GRID2: variants seen among roughly 807,000 people sequenced by gnomAD.
GRID2 encodes the protein glutamate receptor ionotropic, delta-2.
Under a neutral mutation model 114.8 loss-of-function variants are expected in GRID2, and 33 were observed. The observed-to-expected ratio is 0.29, with a 90% confidence interval of 0.22 to 0.38. The LOEUF is 0.38. GRID2 is among the 10% of genes least tolerant of loss of function. The probability of loss-of-function intolerance (pLI) is 1.00; values close to 1 mark genes in which losing one functional copy is unlikely to be tolerated. For synonymous variants in GRID2, 505 were observed against 449.9 expected (o/e 1.12, Z -1.55); for missense variants, 1,184 against 1,257.7 (o/e 0.94, Z 0.89).
chr4:92,863,043 C>G (rs1457774637), intron 2 of GRID2, among the ~76,000 whole-genome samples: 1 of 152,086 alleles, frequency 6.6e-6, no homozygotes, highest in Non-Finnish European at 1.5e-5. Context: ...TGCTAAATAA[C>G]TTTCTAAGTC....
At chr4:92,708,399 G>T (rs371150721) in intron 2 of GRID2, among the ~76,000 whole-genome samples, 29 of 152,240 alleles carry the variant, frequency 1.9e-4, no homozygotes, top group African/African-American at 7.0e-4. Context: ...GTTATTTCCT[G>T]GGGGATGGTA....
At chr4:92,730,044 C>T (rs1002909358) in intron 2 of GRID2, among the ~76,000 whole-genome samples, 1 of 151,982 alleles carries the variant, frequency 6.6e-6, no homozygotes, top group Non-Finnish European at 1.5e-5. Context: ...AAAGATATTT[C>T]TTAGCTCTTG....
intron 14 of GRID2, among the ~76,000 whole-genome samples, chr4:93,685,948 A>G (rs188630156): frequency 1.3e-5 from 2 of 152,170 alleles, no homozygotes; most frequent in African/African-American, 4.8e-5. Context: ...TGTGAGATAC[A>G]GTGTCTGACA....
chr4:93,250,799 A>G (rs958493169), intron 8 of GRID2, among the ~76,000 whole-genome samples: 2 of 149,834 alleles, frequency 1.3e-5, no homozygotes, highest in Non-Finnish European at 3.0e-5. Context: ...ATATATATAC[A>G]TAGAAAGAGA....
In GRID2 at chr4:92,455,675, G is replaced by T. The variant is rs1050927827; in HGVS notation, c.89-134456G>T. ...GACCATTGTGTCTAGGTAGGGTTTG[G>T]AAAGCAGTACCGGAGTGGTGGGCAG... On this transcript the variant is annotated intron_variant, in intron 1 of 15. Transcript: ENST00000282020. Among the ~76,000 whole-genome samples, 31 of 152,258 alleles carry T rather than the reference G, an allele frequency of 2.0e-4. 1 individual carries two copies. The highest frequency in any genetic ancestry group is 2.0e-3 in the Admixed American group (31 of 15,292).
At chr4:93,034,110 G>T (rs1360696513) in intron 2 of GRID2, among the ~76,000 whole-genome samples, 1 of 152,196 alleles carries the variant, frequency 6.6e-6, no homozygotes, top group Non-Finnish European at 1.5e-5. Context: ...GATGTTATAT[G>T]AGTGAGTCTG....
At chr4:92,936,173 A>C (rs1750659676) in intron 2 of GRID2, among the ~76,000 whole-genome samples, 1 of 146,970 alleles carries the variant, frequency 6.8e-6, no homozygotes, top group Admixed American at 7.4e-5. Context: ...TTCAATTGTT[A>C]CATTTATATT....
chr4:92,540,085 C>T (rs867664354), intron 1 of GRID2, among the ~76,000 whole-genome samples: 5 of 152,132 alleles, frequency 3.3e-5, no homozygotes, highest in African/African-American at 1.2e-4. Flanking sequence ...GGAAAACTGG[C>T]TAGCCATATG....
intron 8 of GRID2, among the ~76,000 whole-genome samples, chr4:93,321,352 A>C (rs1210913759): frequency 6.6e-6 from 1 of 152,084 alleles, no homozygotes; most frequent in East Asian, 1.9e-4. Context: ...AAATTTGTTC[A>C]AAATATTTTA....
intron 14 of GRID2, among the ~76,000 whole-genome samples, chr4:93,694,474 T>C (rs555109202): frequency 5.1e-4 from 78 of 152,298 alleles, no homozygotes; most frequent in Non-Finnish European, 1.0e-3. Context: ...GGTCTTGCGA[T>C]CCATGTATGA....
chr4:92,687,728 C>T (rs1733982605), intron 2 of GRID2, among the ~76,000 whole-genome samples: 1 of 151,994 alleles, frequency 6.6e-6, no homozygotes, highest in Admixed American at 6.6e-5. Context: ...ACTCAGGAGG[C>T]TGAGGCAGAA....
chr4:92,701,844 T>G (rs994469792), intron 2 of GRID2, among the ~76,000 whole-genome samples: 3 of 152,162 alleles, frequency 2.0e-5, no homozygotes, highest in Non-Finnish European at 4.4e-5. Flanking sequence ...TTAAAATTTT[T>G]GGTTAGGGCG....
At chr4:92,983,359 G>A (rs1038107331) in intron 2 of GRID2, among the ~76,000 whole-genome samples, 1 of 151,848 alleles carries the variant, frequency 6.6e-6, no homozygotes, top group Non-Finnish European at 1.5e-5. Context: ...CCTTTTTAAG[G>A]TTACCTAAGC....
At chr4:92,595,236 A>G (rs551663018) in intron 2 of GRID2, among the ~76,000 whole-genome samples, 1 of 152,114 alleles carries the variant, frequency 6.6e-6, no homozygotes, top group Admixed American at 6.6e-5. Context: ...GTATTGCAAA[A>G]CATTATAAAC....
At chr4:93,139,853 A>G (rs933511558) in intron 4 of GRID2, among the ~76,000 whole-genome samples, 38 of 152,134 alleles carry the variant, frequency 2.5e-4, no homozygotes, top group Non-Finnish European at 8.8e-5. Context: ...GGGAAACTAA[A>G]CATTATGAGA....
chr4:93,105,617 A>G (rs899439986), intron 3 of GRID2, among the ~76,000 whole-genome samples: 1 of 152,152 alleles, frequency 6.6e-6, no homozygotes, highest in Non-Finnish European at 1.5e-5. Context: ...TGGTGGCTCT[A>G]GGGAAGAGTC....
chr4:92,696,640 C>A (rs1734437751), intron 2 of GRID2, among the ~76,000 whole-genome samples: 1 of 152,104 alleles, frequency 6.6e-6, no homozygotes, highest in Admixed American at 6.6e-5. Flanking sequence ...CTGTGAACAA[C>A]CGCAGAACAC....
intron 2 of GRID2, among the ~76,000 whole-genome samples, chr4:93,082,381 T>C (rs907493860): frequency 1.8e-4 from 28 of 152,288 alleles, no homozygotes; most frequent in African/African-American, 4.8e-4. Flanking sequence ...GAGAGCTGGG[T>C]CATCTATTTT....
intron 12 of GRID2, among the ~76,000 whole-genome samples, chr4:93,493,195 C>T (rs780730646): frequency 4.6e-5 from 7 of 151,822 alleles, no homozygotes; most frequent in East Asian, 1.9e-4. Flanking sequence ...ATGTAGTTCA[C>T]ATCTGACTTT....
Sources: gnomAD v4.1 joint callset for allele counts (sites outside exome capture counted in the v4.1 genomes callset) on GRCh38, gnomAD v4.1.1 for gene constraint, MANE v1.5 for transcripts, NCBI Gene and HGNC (gene_info 2026-07-23, HGNC 2026-07-21) for gene names.